The following ATP13A4 variants were observed in gnomAD, a reference collection of about 807,000 sequenced individuals.
ATP13A4 encodes ATPase 13A4.
ATP13A4 carries 114 observed loss-of-function variants against 142.5 expected under a neutral mutation model. That is an observed-to-expected ratio of 0.80 (90% CI 0.69 to 0.93). The LOEUF is 0.93. ATP13A4 is among the 40% of genes least tolerant of loss of function. The probability of loss-of-function intolerance (pLI) is 0.00; values close to 1 mark genes in which losing one functional copy is unlikely to be tolerated. For missense variants in ATP13A4, 1,392 were observed against 1,454.0 expected (o/e 0.96, Z 0.69); for synonymous variants, 488 against 514.8 (o/e 0.95, Z 0.70).
intron 3 of ATP13A4, among the ~76,000 whole-genome samples, chr3:193,495,566 A>G (rs1196413120): frequency 1.3e-5 from 2 of 152,132 alleles, no homozygotes; most frequent in African/African-American, 4.8e-5. Context: ...AACAAAATAG[A>G]TATAGAAGGA....
Position 193,442,450 on chromosome 3 carries a change from T to C in ATP13A4, c.2259A>G (p.Ser753=). The change falls in exon 19 of 30, where the codon TCA becomes TCG. Residue 753 remains serine, a synonymous_variant. Coordinates refer to ENST00000342695, the MANE Select transcript of ATP13A4 (RefSeq NM_032279.4). ...CTACTAACGTCCAAGATATAGATGCTGATGAGGACCCGGTGGTTTCATTTG... is the reference window on the plus strand; with the variant it reads ...CTACTAACGTCCAAGATATAGATGCCGATGAGGACCCGGTGGTTTCATTTG... ...IEANETTGSS[S]ASISWTLVEE... The C allele has an allele frequency of 6.2e-7, 1 of 1,614,122 alleles. No homozygotes were observed. Among genetic ancestry groups the C allele is most frequent in the Non-Finnish European group, 8.5e-7 (1 of 1,179,948 alleles).
chr3:193,456,039 G>A (rs542782050), intron 16 of ATP13A4, among the ~76,000 whole-genome samples: 10 of 152,124 alleles, frequency 6.6e-5, no homozygotes, highest in Non-Finnish European at 1.2e-4. Context: ...GGTGGCAGGA[G>A]GGAGAGGATC....
chr3:193,577,731 A>T (rs1295910928), intron 2 of ATP13A4, among the ~76,000 whole-genome samples: 1 of 152,184 alleles, frequency 6.6e-6, no homozygotes, highest in African/African-American at 2.4e-5. Context: ...GTCATTCTGG[A>T]GACTTCTTTG....
chr3:193,534,731 G>A (rs1227723427), intron 1 of ATP13A4, among the ~76,000 whole-genome samples: 1 of 152,072 alleles, frequency 6.6e-6, no homozygotes, highest in Non-Finnish European at 1.5e-5. Flanking sequence ...AGGTCTGTGA[G>A]ACTATGAGAA....
chr3:193,555,345 A>G (rs1206902854), upstream of ATP13A4, among the ~76,000 whole-genome samples: 1 of 152,228 alleles, frequency 6.6e-6, no homozygotes, highest in Non-Finnish European at 1.5e-5. Context: ...ACTCTCATTC[A>G]TTTTGCTTAC....
intron 8 of ATP13A4, among the ~76,000 whole-genome samples, chr3:193,474,449 T>C (rs1718818161): frequency 6.7e-6 from 1 of 149,482 alleles, no homozygotes; most frequent in African/African-American, 2.5e-5. Context: ...GGTAGGAGGA[T>C]TACTTGGGAC....
chr3:193,563,724 T>C (rs1272084686), intron 2 of ATP13A4, among the ~76,000 whole-genome samples: 1 of 152,252 alleles, frequency 6.6e-6, no homozygotes, highest in African/African-American at 2.4e-5. Flanking sequence ...TTTCTTATTT[T>C]ATTTCTTTAA....
chr3:193,428,439 G>C (rs1355674353), intron 25 of ATP13A4, among the ~76,000 whole-genome samples: 8 of 152,226 alleles, frequency 5.3e-5, no homozygotes, highest in Admixed American at 1.3e-4. Context: ...TCCCATTACT[G>C]GGTATATACC....
chr3:193,577,982 C>T (rs773104431), intron 2 of ATP13A4, among the ~76,000 whole-genome samples: 1 of 152,176 alleles, frequency 6.6e-6, no homozygotes, highest in Non-Finnish European at 1.5e-5. Context: ...AGACTGCAAA[C>T]TCAAGTGCAT....
At chr3:193,473,287 C>G (rs1718725398) in intron 8 of ATP13A4, among the ~76,000 whole-genome samples, 1 of 152,058 alleles carries the variant, frequency 6.6e-6, no homozygotes, top group Non-Finnish European at 1.5e-5. Context: ...TAAGAAAGAA[C>G]TATAACCATC....
chr3:193,457,676 T>C (rs1192984826), intron 14 of ATP13A4, among the ~76,000 whole-genome samples: 1 of 152,228 alleles, frequency 6.6e-6, no homozygotes, highest in Non-Finnish European at 1.5e-5. Flanking sequence ...CACTTTTGAA[T>C]TATTCATGCA....
At chr3:193,420,465 C>A (rs1054063768) in intron 25 of ATP13A4, among the ~76,000 whole-genome samples, 2 of 149,716 alleles carry the variant, frequency 1.3e-5, no homozygotes, top group African/African-American at 4.9e-5. Context: ...TACGAAAGAG[C>A]GAGACAATAT....
Position 193,440,645 on chromosome 3 carries a change from G to A in ATP13A4, c.2440-8C>T, listed in dbSNP as rs1187396899. The A allele has an allele frequency of 1.2e-6, 2 of 1,613,420 alleles. No homozygotes were observed. The highest frequency in any genetic ancestry group is 2.7e-5 in the African/African-American group (2 of 74,844). The stretch of plus-strand genomic sequence containing the variant: ...GGTCCCATTGATCAATATCTGTAAG[G>A]AACCCAAAATGGAGATTTTTTTATC... On this transcript the variant is annotated splice_polypyrimidine_tract_variant and splice_region_variant and intron_variant, in intron 20 of 29. Transcript: ENST00000342695.
In ATP13A4 at chr3:193,420,514, A is replaced by AC. The variant is rs1265739199; in HGVS notation, c.2843-5765dup. On this transcript the variant is annotated intron_variant, in intron 25 of 29. Transcript: ENST00000342695. ...AAACACGATAATTCTCCAGTAACTG[A>AC]CCCCAAAGAAAAGGAAAGTTATGAA... Among the ~76,000 whole-genome samples the AC allele has an allele frequency of 2.0e-5, 3 of 149,814 alleles. 1 individual carries two copies. The highest frequency in any genetic ancestry group is 1.4e-4 in the Admixed American group (2 of 14,442).
intron 1 of ATP13A4, among the ~76,000 whole-genome samples, chr3:193,590,907 G>C (rs142313200): frequency 6.6e-6 from 1 of 152,342 alleles, no homozygotes; most frequent in East Asian, 1.9e-4. Flanking sequence ...GAGGACATGA[G>C]TGCCTGAAGG....
chr3:193,540,164 TG>T (rs1722807705), intron 1 of ATP13A4, among the ~76,000 whole-genome samples: 1 of 152,226 alleles, frequency 6.6e-6, no homozygotes, highest in African/African-American at 2.4e-5. Flanking sequence ...GGGAAATTTC[TG>T]AAATGAAATA....
chr3:193,460,682 T>C (rs1418472618), intron 13 of ATP13A4, among the ~76,000 whole-genome samples: 1 of 152,062 alleles, frequency 6.6e-6, no homozygotes, highest in Non-Finnish European at 1.5e-5. Context: ...AGAAAAAAAA[T>C]CTTATTTTTA....
At chr3:193,506,925 T>C (rs890714611) in intron 2 of ATP13A4, among the ~76,000 whole-genome samples, 1 of 152,152 alleles carries the variant, frequency 6.6e-6, no homozygotes, top group Non-Finnish European at 1.5e-5. Context: ...CAGTTTTGGG[T>C]ATGTCTTTAT....
intron 1 of ATP13A4, among the ~76,000 whole-genome samples, chr3:193,551,131 T>C (rs1723536833): frequency 6.6e-6 from 1 of 152,090 alleles, no homozygotes; most frequent in Non-Finnish European, 1.5e-5. Flanking sequence ...TACATATTCC[T>C]GGCCAGGTGC....
Sources: allele counts gnomAD v4.1 joint callset (sites outside exome capture counted in the v4.1 genomes callset), GRCh38; gene constraint gnomAD v4.1.1; transcripts MANE v1.5; gene names NCBI Gene and HGNC (gene_info 2026-07-23, HGNC 2026-07-21).